MARCHF3: variants seen among roughly 807,000 people sequenced by gnomAD.
MARCHF3 encodes E3 ubiquitin-protein ligase MARCHF3.
MARCHF3 carries 13 observed loss-of-function variants against 24.2 expected under a neutral mutation model. The ratio of observed to expected loss-of-function variants is 0.54; its 90% CI spans 0.35 to 0.85. MARCHF3 has a LOEUF of 0.85. MARCHF3 is among the 40% of genes least tolerant of loss of function. MARCHF3 has a pLI of 0.01. For synonymous variants in MARCHF3, 144 were observed against 137.3 expected, an observed-to-expected ratio of 1.05 and a Z score of -0.34; for missense variants, 276 against 325.0, an observed-to-expected ratio of 0.85 and a Z score of 1.16.
intron 1 of MARCHF3, among the ~76,000 whole-genome samples, chr5:126,921,131 C>A (rs1001350543): frequency 6.6e-6 from 1 of 151,930 alleles, no homozygotes; most frequent in Non-Finnish European, 1.5e-5. Context: ...AACATACCAG[C>A]ATGTCTTACG....
intron 1 of MARCHF3, among the ~76,000 whole-genome samples, chr5:126,988,470 T>C (rs1341398291): frequency 1.3e-5 from 2 of 152,216 alleles, no homozygotes; most frequent in East Asian, 3.8e-4. Context: ...ACATGGCCCC[T>C]GACTCCTGAA....
chr5:127,009,470 T>C (rs1453316760), intron 1 of MARCHF3, among the ~76,000 whole-genome samples: 1 of 152,226 alleles, frequency 6.6e-6, no homozygotes, highest in Non-Finnish European at 1.5e-5. Flanking sequence ...CCCTTTCCAC[T>C]TGGCCTTTTC....
At chr5:126,923,905 A>G (rs1222098297) in intron 1 of MARCHF3, among the ~76,000 whole-genome samples, 2 of 152,234 alleles carry the variant, frequency 1.3e-5, no homozygotes, top group African/African-American at 4.8e-5. Flanking sequence ...AAAGCAAATC[A>G]AAGAAGCAAA....
At chr5:126,971,306 G>A (rs745638087) in intron 1 of MARCHF3, among the ~76,000 whole-genome samples, 2 of 151,728 alleles carry the variant, frequency 1.3e-5, no homozygotes, top group African/African-American at 4.8e-5. Flanking sequence ...AAAATTAGCC[G>A]GGCGTGGTGG....
chr5:126,957,158 T>C (rs1750476442), intron 1 of MARCHF3, among the ~76,000 whole-genome samples: 1 of 152,244 alleles, frequency 6.6e-6, no homozygotes, highest in Non-Finnish European at 1.5e-5. Flanking sequence ...TCACGTTTCT[T>C]GGCCATAGTA....
chr5:126,931,862 G>C (rs898455429), intron 1 of MARCHF3, among the ~76,000 whole-genome samples: 1 of 152,160 alleles, frequency 6.6e-6, no homozygotes, highest in Non-Finnish European at 1.5e-5. Context: ...CAAAGCGGGG[G>C]AAGGCTATTT....
At chr5:127,014,792 T>C (rs931373530) in intron 1 of MARCHF3, among the ~76,000 whole-genome samples, 6 of 152,108 alleles carry the variant, frequency 3.9e-5, no homozygotes, top group African/African-American at 1.4e-4. Flanking sequence ...CAGCGATTGC[T>C]AGAGGTTAGA....
chr5:126,914,832 G>A, intron 3 of MARCHF3, 98 bp downstream of exon 3: 1 of 978,762 alleles, frequency 1.0e-6, no homozygotes, highest in South Asian at 1.4e-5. Flanking sequence ...CTATTACCGT[G>A]CTTCAGTAAA....
intron 1 of MARCHF3, among the ~76,000 whole-genome samples, chr5:126,976,052 T>G (rs1037980532): frequency 6.6e-6 from 1 of 152,224 alleles, no homozygotes; most frequent in Non-Finnish European, 1.5e-5. Context: ...AGGTTTCCAC[T>G]GTCTTTTTTT....
chr5:126,889,781 T>C (rs1394907163), intron 3 of MARCHF3, among the ~76,000 whole-genome samples: 3 of 152,196 alleles, frequency 2.0e-5, no homozygotes, highest in African/African-American at 7.2e-5. Context: ...AAGGCTCCAC[T>C]TGAGGCAGCG....
At chr5:126,956,891 T>A (rs1580680377) in intron 1 of MARCHF3, among the ~76,000 whole-genome samples, 2 of 152,102 alleles carry the variant, frequency 1.3e-5, no homozygotes, top group East Asian at 3.8e-4. Flanking sequence ...ATTTAAAACA[T>A]CTCTTTGAAT....
At chr5:126,990,220 C>G (rs1321204151) in intron 1 of MARCHF3, among the ~76,000 whole-genome samples, 1 of 151,910 alleles carries the variant, frequency 6.6e-6, no homozygotes, top group East Asian at 1.9e-4. Context: ...TGGAACAGAA[C>G]AGAGGCCTCA....
At chr5:126,978,066 GGGCT>G (rs1475659447) in intron 1 of MARCHF3, among the ~76,000 whole-genome samples, 1 of 152,210 alleles carries the variant, frequency 6.6e-6, no homozygotes, top group Non-Finnish European at 1.5e-5. Flanking sequence ...GAAAGATGAG[GGGCT>G]GGCCCCCAAG....
At chr5:126,882,691 A>C (rs1488534827) in intron 3 of MARCHF3, among the ~76,000 whole-genome samples, 4 of 152,024 alleles carry the variant, frequency 2.6e-5, no homozygotes, top group Non-Finnish European at 1.5e-5. Flanking sequence ...CCTTTACATC[A>C]CTGGTGTCTA....
chr5:126,896,781 ATC>A (rs1322276765), intron 3 of MARCHF3, among the ~76,000 whole-genome samples: 3 of 151,944 alleles, frequency 2.0e-5, no homozygotes, highest in South Asian at 2.1e-4. Flanking sequence ...TTTTAGAAAA[ATC>A]TCTGTTTTAT....
chr5:126,915,640 T>C (rs997124785), intron 2 of MARCHF3, among the ~76,000 whole-genome samples: 2 of 152,186 alleles, frequency 1.3e-5, no homozygotes, highest in Non-Finnish European at 2.9e-5. Flanking sequence ...TACACAGAAC[T>C]GCAGTCTGAG....
At chr5:126,924,168 C>T (rs1749220137) in intron 1 of MARCHF3, among the ~76,000 whole-genome samples, 1 of 152,154 alleles carries the variant, frequency 6.6e-6, no homozygotes, top group South Asian at 2.1e-4. Flanking sequence ...ACCCGAGGCC[C>T]TAAGTTTGGG....
intron 1 of MARCHF3, among the ~76,000 whole-genome samples, chr5:127,003,337 G>C (rs1752195056): frequency 1.3e-5 from 2 of 151,954 alleles, no homozygotes; most frequent in African/African-American, 2.4e-5. Flanking sequence ...CGTGGTGGTG[G>C]GCGCCTGTAG....
chr5:127,017,419 T>G (rs1044012193), intron 1 of MARCHF3, among the ~76,000 whole-genome samples: 1 of 152,206 alleles, frequency 6.6e-6, no homozygotes, highest in African/African-American at 2.4e-5. Flanking sequence ...CAGATGCTTC[T>G]CAACTTACAA....
Sources: gnomAD v4.1 joint callset for allele counts (sites outside exome capture counted in the v4.1 genomes callset) on GRCh38, gnomAD v4.1.1 for gene constraint, MANE v1.5 for transcripts, NCBI Gene and HGNC (gene_info 2026-07-23, HGNC 2026-07-21) for gene names.